PPP2R5A: variants seen among roughly 807,000 people sequenced by gnomAD.
The protein encoded by PPP2R5A is serine/threonine-protein phosphatase 2A 56 kDa regulatory subunit alpha isoform.
PPP2R5A carries 25 observed loss-of-function variants against 64.2 expected under a neutral mutation model. The observed-to-expected ratio is 0.39, with a 90% CI of 0.28 to 0.54. The LOEUF (loss-of-function observed/expected upper bound fraction) is 0.54. Ranked by LOEUF, PPP2R5A falls within the 20% of genes least tolerant of loss-of-function variation. PPP2R5A has a pLI of 0.67. For synonymous variants in PPP2R5A, 198 were observed against 201.2 expected (o/e 0.98, Z 0.13); for missense variants, 425 against 576.3 (o/e 0.74, Z 2.69).
chr1:212,328,366 G>A (rs1217027426), intron 1 of PPP2R5A, among the ~76,000 whole-genome samples: 1 of 152,168 alleles, frequency 6.6e-6, no homozygotes, highest in African/African-American at 2.4e-5. Flanking sequence ...AACTTTGTAA[G>A]TAGGTAGTGT....
intron 12 of PPP2R5A, among the ~76,000 whole-genome samples, chr1:212,359,321 C>T (rs990580271): frequency 2.6e-5 from 4 of 152,082 alleles, no homozygotes; most frequent in Non-Finnish European, 5.9e-5. Context: ...ATTTTAAAGT[C>T]AGCATAGTTC....
intron 3 of PPP2R5A, 87 bp downstream of exon 3, chr1:212,333,685 T>TAC: frequency 7.1e-6 from 5 of 706,802 alleles, no homozygotes; most frequent in Non-Finnish European, 1.1e-5. Context: ...TCTGAGTGTC[T>TAC]GTGTAAAATA....
At chr1:212,291,274 T>C (rs1658598044) in intron 1 of PPP2R5A, among the ~76,000 whole-genome samples, 2 of 151,316 alleles carry the variant, frequency 1.3e-5, no homozygotes, top group African/African-American at 4.9e-5. Flanking sequence ...GAGATAGGGG[T>C]TTTGCCATGG....
rs756757799 is a variant in PPP2R5A, at chr1:212,357,190, G to A, written c.1132G>A (p.Glu378Lys). 3 of 1,589,534 alleles carry A rather than the reference G, an allele frequency of 1.9e-6. No homozygotes were observed. Among genetic ancestry groups the A allele is most frequent in the Non-Finnish European group, 1.7e-6 (2 of 1,171,246 alleles). ...AAGGGCATTGTACTTCTGGAATAACGAATATATTCTTAGTTTGATTGAGGA... is the reference window on the plus strand; with the variant it reads ...AAGGGCATTGTACTTCTGGAATAACAAATATATTCTTAGTTTGATTGAGGA... ...AERALYFWNN[E>K]YILSLIEENI... Residue 378 changes from glutamate to lysine, a missense_variant, in exon 11 of 13, where the codon GAA (glutamate) becomes AAA (lysine). Around this residue, in one of 4 missense-constraint regions of PPP2R5A, gnomAD observed 177 missense variants for 244.8 expected, o/e 0.72. Transcript: ENST00000261461.
chr1:212,335,966 G>A (rs1280193230), intron 3 of PPP2R5A, among the ~76,000 whole-genome samples: 2 of 152,118 alleles, frequency 1.3e-5, no homozygotes, highest in Non-Finnish European at 2.9e-5. Flanking sequence ...CTCATGGAAA[G>A]TAACAGTGGA....
chr1:212,322,159 G>A (rs1197031108), intron 1 of PPP2R5A, among the ~76,000 whole-genome samples: 1 of 151,060 alleles, frequency 6.6e-6, no homozygotes, highest in African/African-American at 2.4e-5. Context: ...CTTTGGCTCA[G>A]CATCAGGGGG....
chr1:212,356,935 AT>A lies in PPP2R5A; in HGVS notation c.979-8del. The A allele has an allele frequency of 2.7e-6, 4 of 1,507,144 alleles. No homozygotes were observed. Among genetic ancestry groups the A allele is most frequent in the East Asian group, 4.6e-5 (2 of 43,610 alleles). 93.4% of individuals were successfully genotyped at this position (1,507,144 alleles called of 1,614,324 possible). On this transcript the variant is annotated splice_polypyrimidine_tract_variant and intron_variant, in intron 9 of 12. Coordinates refer to ENST00000261461, the MANE Select transcript of PPP2R5A (RefSeq NM_006243.4). ...AATTTATCATGTTTCTTAAAATAAA[AT>A]TTTTTTAACCTAGGTGATGTTTTTA... is the stretch of plus-strand genomic sequence containing the variant.
intron 4 of PPP2R5A, among the ~76,000 whole-genome samples, chr1:212,345,093 A>G (rs1166550477): frequency 6.6e-6 from 1 of 150,602 alleles, no homozygotes; most frequent in African/African-American, 2.4e-5. Flanking sequence ...TGACCCCAGG[A>G]GGTCGAGGCT....
At chr1:212,314,628 G>C (rs1417268277) in intron 1 of PPP2R5A, among the ~76,000 whole-genome samples, 1 of 149,280 alleles carries the variant, frequency 6.7e-6, no homozygotes, top group African/African-American at 2.5e-5. Context: ...TCAAGTCTCA[G>C]CTCACTGCAA....
chr1:212,321,329 C>A (rs181553466), intron 1 of PPP2R5A, among the ~76,000 whole-genome samples: 3 of 149,728 alleles, frequency 2.0e-5, no homozygotes, highest in Admixed American at 6.6e-5. Flanking sequence ...CTGACCCCCC[C>A]ACCTCCCTTC....
At chr1:212,331,489 G>A (rs1229774985) in intron 2 of PPP2R5A, 1 of 151,962 alleles carries the variant, frequency 6.6e-6, no homozygotes, top group Admixed American at 6.6e-5. Context: ...TTAAAGATTA[G>A]CTATAGAGAG....
At position 212,298,069 on chromosome 1, in the gene PPP2R5A, C is replaced by CA. The variant is rs1436202012; in HGVS notation, c.181+11779dup. On this transcript the variant is annotated intron_variant, in intron 1 of 12. Transcript: ENST00000261461. Reference sequence around the variant, plus strand: ...CATCTGTTCAACAAAGCACATCTTGCACCGCCCTTAATCCATCTAACCCTG... The same window carrying CA: ...CATCTGTTCAACAAAGCACATCTTGCAACCGCCCTTAATCCATCTAACCCTG... Among the ~76,000 whole-genome samples, 5 of 40,740 alleles carry CA rather than the reference C, an allele frequency of 1.2e-4. 2 individuals carry two copies. The highest frequency in any genetic ancestry group is 4.4e-4 in the Admixed American group (2 of 4,562). The allele number at this position is 40,740 out of a possible 152,430, so 26.7% of individuals were successfully genotyped here. A position where few individuals can be genotyped will look rare whatever the true frequency, so the allele number is the denominator to read the frequency against.
At chr1:212,342,038 AT>A (rs1186187725) in intron 3 of PPP2R5A, 149 bp from the exon 4 acceptor site, 17 of 1,171,362 alleles carry the variant, frequency 1.5e-5, no homozygotes, top group East Asian at 5.7e-5. Context: ...TTTAAAAAAA[AT>A]TTTTTTTATC....
chr1:212,341,146 G>T (rs957841178), intron 3 of PPP2R5A, among the ~76,000 whole-genome samples: 45 of 152,298 alleles, frequency 3.0e-4, no homozygotes, highest in Non-Finnish European at 4.3e-4. Flanking sequence ...TTGAAAGCAG[G>T]TATGATAGTG....
chr1:212,322,219 GGGGAGAGGGAGAGGGAGAGGGAGAGGA>G (rs1245562401), intron 1 of PPP2R5A, among the ~76,000 whole-genome samples: 2 of 117,668 alleles, frequency 1.7e-5, no homozygotes, highest in African/African-American at 4.9e-5. Context: ...GGGAGACTGT[GGGGAGAGGGAGAGGGAGAGGGAGAGGA>G]GGGAGAGGGA....
intron 1 of PPP2R5A, among the ~76,000 whole-genome samples, chr1:212,304,731 G>GTTT (rs1401989270): frequency 1.8e-4 from 22 of 124,840 alleles, no homozygotes; most frequent in East Asian, 4.9e-4. Context: ...GCCGGCCCCA[G>GTTT]TTTTTTTTTT....
chr1:212,347,043 A>AT (rs1659792564), intron 5 of PPP2R5A, among the ~76,000 whole-genome samples: 1 of 152,154 alleles, frequency 6.6e-6, no homozygotes, highest in Admixed American at 6.5e-5. Flanking sequence ...TTTAAAAAGT[A>AT]TTTCTTTGAG....
At chr1:212,308,573 T>C (rs927254267) in intron 1 of PPP2R5A, among the ~76,000 whole-genome samples, 1 of 152,064 alleles carries the variant, frequency 6.6e-6, no homozygotes. Flanking sequence ...CATGCCCGGC[T>C]AATTTTTGTA....
At chr1:212,333,668 T>C in intron 3 of PPP2R5A, 70 bp downstream of exon 3, 3 of 872,582 alleles carry the variant, frequency 3.4e-6, no homozygotes, top group Non-Finnish European at 4.9e-6. Flanking sequence ...GGTTTTCTCA[T>C]TTAGATTCTG....
Sources: gnomAD v4.1 joint callset for allele counts (sites outside exome capture counted in the v4.1 genomes callset) on GRCh38, gnomAD v4.1.1 for gene constraint, gnomAD v4.1.1 regional missense constraint, MANE v1.5 for transcripts, NCBI Gene and HGNC (gene_info 2026-07-23, HGNC 2026-07-21) for gene names.